Variants in MYO1E observed in about 807,000 individuals in gnomAD.
The protein encoded by MYO1E is unconventional myosin-Ie.
In MYO1E, 68 loss-of-function variants were observed where a neutral mutation model predicts 151.1. That is an observed-to-expected ratio of 0.45 (90% CI 0.37 to 0.55). The LOEUF is 0.55. Among genes scored for constraint, MYO1E ranks in the 20% least tolerant of loss-of-function variants. The probability of loss-of-function intolerance (pLI) is 0.00; values close to 1 mark genes in which losing one functional copy is unlikely to be tolerated. For missense variants in MYO1E, 1,363 were observed against 1,389.3 expected, an observed-to-expected ratio of 0.98 and a Z score of 0.30; for synonymous variants, 601 against 501.7, an observed-to-expected ratio of 1.20 and a Z score of -2.64.
intron 6 of MYO1E, among the ~76,000 whole-genome samples, chr15:59,229,133 C>T (rs1161971129): frequency 1.3e-5 from 2 of 152,206 alleles, no homozygotes; most frequent in African/African-American, 4.8e-5. Context: ...TGCCTGTCCC[C>T]CATTCCTCAA....
At chr15:59,356,825 TC>T (rs1303412835) in intron 1 of MYO1E, among the ~76,000 whole-genome samples, 1 of 152,106 alleles carries the variant, frequency 6.6e-6, no homozygotes, top group Non-Finnish European at 1.5e-5. Context: ...TCCCTTGGCC[TC>T]TTAAAGTGCT....
chr15:59,174,378 A>G (rs1390541725), intron 19 of MYO1E, 138 bp from the exon 20 acceptor site: 1 of 708,122 alleles, frequency 1.4e-6, no homozygotes, highest in Non-Finnish European at 2.6e-6. Context: ...ATGAACGAAT[A>G]TGTGAAACGC....
intron 1 of MYO1E, among the ~76,000 whole-genome samples, chr15:59,367,180 C>T (rs963986116): frequency 3.3e-5 from 5 of 152,132 alleles, no homozygotes; most frequent in Non-Finnish European, 5.9e-5. Context: ...AATAATAAGG[C>T]CCCACACTTG....
At chr15:59,225,370 C>A (rs1213635487) in intron 7 of MYO1E, among the ~76,000 whole-genome samples, 1 of 152,208 alleles carries the variant, frequency 6.6e-6, no homozygotes. Context: ...CTAAATCCAA[C>A]AGCCTTTTTT....
At chr15:59,240,444 T>C (rs1596380737) in intron 4 of MYO1E, among the ~76,000 whole-genome samples, 3 of 152,202 alleles carry the variant, frequency 2.0e-5, no homozygotes, top group African/African-American at 7.2e-5. Flanking sequence ...ATCAACGAAA[T>C]GGAAAGAATG....
chr15:59,356,201 C>A (rs184580521), intron 1 of MYO1E, among the ~76,000 whole-genome samples: 12 of 152,332 alleles, frequency 7.9e-5, no homozygotes, highest in African/African-American at 2.6e-4. Flanking sequence ...TTGCTTTCTA[C>A]TGCCTTCCAG....
chr15:59,226,698 T>C (rs7167255), intron 7 of MYO1E, among the ~76,000 whole-genome samples: 33,005 of 152,028 alleles, frequency 0.22, 4,069 homozygotes, highest in African/African-American at 0.33. Context: ...TCCCAGCTAC[T>C]TGGGAGGGTG....
intron 12 of MYO1E, among the ~76,000 whole-genome samples, chr15:59,214,008 G>C (rs1031972240): frequency 6.6e-6 from 1 of 152,162 alleles, no homozygotes; most frequent in African/African-American, 2.4e-5. Flanking sequence ...CAACATCACA[G>C]CATCATTTGC....
intron 25 of MYO1E, among the ~76,000 whole-genome samples, chr15:59,155,332 T>C (rs2079503854): frequency 6.6e-6 from 1 of 152,224 alleles, no homozygotes; most frequent in African/African-American, 2.4e-5. Context: ...TTTATATGTT[T>C]TGAAAATTCC....
At chr15:59,280,170 C>T (rs1459304491) in intron 1 of MYO1E, among the ~76,000 whole-genome samples, 1 of 152,304 alleles carries the variant, frequency 6.6e-6, no homozygotes, top group East Asian at 1.9e-4. Flanking sequence ...AGAGACACGA[C>T]AGCTTTCTTT....
intron 14 of MYO1E, chr15:59,206,788 A>C: frequency 4.3e-6 from 3 of 702,496 alleles, no homozygotes; most frequent in Non-Finnish European, 7.0e-6. Context: ...AGACTCTGGC[A>C]AGGCCCGCGC....
chr15:59,335,074 T>C (rs1031150449), intron 1 of MYO1E, among the ~76,000 whole-genome samples: 5 of 152,198 alleles, frequency 3.3e-5, no homozygotes, highest in Admixed American at 2.6e-4. Flanking sequence ...AAAGAGAACA[T>C]TCACACCACA....
chr15:59,311,343 A>G lies in MYO1E; in HGVS notation c.4-38894T>C, dbSNP rs866117085. ...CCTAGGTCCCTCACATGCGCAGTTCATAACAGGGTTCGGGCTCCTATGAGA... is the reference window on the plus strand; with the variant it reads ...CCTAGGTCCCTCACATGCGCAGTTCGTAACAGGGTTCGGGCTCCTATGAGA... On this transcript the variant is annotated intron_variant, in intron 1 of 27. Coordinates refer to ENST00000288235, the MANE Select transcript of MYO1E (RefSeq NM_004998.4). Among the ~76,000 whole-genome samples, 23 of 152,252 alleles carry G rather than the reference A, an allele frequency of 1.5e-4. No individual in the cohort carries two copies. The South Asian group carries it at 4.2e-3, about 28-fold the overall frequency.
At chr15:59,213,136 T>TTTATTTATTTA (rs1343330832) in intron 12 of MYO1E, among the ~76,000 whole-genome samples, 9 of 139,370 alleles carry the variant, frequency 6.5e-5, no homozygotes, top group Admixed American at 2.1e-4. Context: ...GAACTATTTA[T>TTTATTTATTTA]TTATTATTAT....
rs562343123 is a variant in MYO1E at position 59,147,647 on chromosome 15, G to C, written c.3080+5943C>G. Among the ~76,000 whole-genome samples the C allele has an allele frequency of 6.2e-4, 94 of 151,112 alleles. 1 individual carries two copies. The highest frequency in any genetic ancestry group is 2.3e-3 in the African/African-American group (93 of 41,076). On this transcript the variant is annotated intron_variant, in intron 26 of 27. Coordinates refer to ENST00000288235, the MANE Select transcript of MYO1E (RefSeq NM_004998.4). ...AAAAAAAAGAAAGGAAGAGACTGTG[G>C]AACGGTGCAGAGCCAGAAGGAGTTT... is the stretch of plus-strand genomic sequence containing the variant.
chr15:59,291,766 C>T lies in MYO1E; in HGVS notation c.4-19317G>A, dbSNP rs1389832462. On this transcript the variant is annotated intron_variant, in intron 1 of 27. Transcript: ENST00000288235. ...ACAAAAAGAGAAATAGCTTGAGATG[C>T]CGAGGAAGATAAAAAGCAAATGATT... Among the ~76,000 whole-genome samples, 7 of 144,530 alleles carry T rather than the reference C, an allele frequency of 4.8e-5. No homozygotes were observed. The South Asian group carries it at 1.3e-3, about 27-fold the overall frequency. 94.8% of individuals were successfully genotyped at this position (144,530 alleles called of 152,430 possible). A position where few individuals can be genotyped will look rare whatever the true frequency, so the allele number is the denominator to read the frequency against.
chr15:59,261,577 A>T (rs1019149764), intron 2 of MYO1E, 68 bp from the exon 3 acceptor site: 3 of 1,027,702 alleles, frequency 2.9e-6, no homozygotes, highest in Admixed American at 3.5e-5. Flanking sequence ...TTAAGTAACC[A>T]GATGTTATCA....
Position 59,214,677 on chromosome 15 carries a change from A to G in MYO1E, c.1151T>C (p.Ile384Thr), listed in dbSNP as rs142638347. The change falls in exon 11 of 28, where the codon ATT (isoleucine) becomes ACT (threonine). Residue 384 changes from isoleucine to threonine, a missense_variant. By Grantham distance (89) the Ile-to-Thr change is moderately conservative (BLOSUM62 -1). Transcript: ENST00000288235. ...AAAGCCATAGATGTCTAGGACGCCAATGTTGTATTCTTCATGGTCTTTCTC... is the reference window on the plus strand; with the variant it reads ...AAAGCCATAGATGTCTAGGACGCCAGTGTTGTATTCTTCATGGTCTTTCTC... ...AMEKDHEEYN[I>T]GVLDIYGFEI... 117 of 1,613,918 alleles carry G rather than the reference A, an allele frequency of 7.2e-5. 1 individual carries two copies. The highest frequency in any genetic ancestry group is 2.3e-4 in the African/African-American group (17 of 75,046).
intron 5 of MYO1E, among the ~76,000 whole-genome samples, chr15:59,235,487 C>T (rs2080056848): frequency 6.6e-6 from 1 of 152,230 alleles, no homozygotes; most frequent in Non-Finnish European, 1.5e-5. Flanking sequence ...AGACCATTCT[C>T]TATCAGTACA....
Sources: allele counts gnomAD v4.1 joint callset (sites outside exome capture counted in the v4.1 genomes callset), GRCh38; gene constraint gnomAD v4.1.1; transcripts MANE v1.5; gene names NCBI Gene and HGNC (gene_info 2026-07-23, HGNC 2026-07-21).